HIBADH: variants seen among roughly 807,000 people sequenced by gnomAD.
HIBADH encodes the protein 3-hydroxyisobutyrate dehydrogenase, also known as 3-hydroxyisobutyrate dehydrogenase, mitochondrial.
In HIBADH, 25 loss-of-function variants were observed where a neutral mutation model predicts 36.1. The observed-to-expected ratio is 0.69, with a 90% CI of 0.50 to 0.97. The LOEUF is 0.97. Ranked by LOEUF, HIBADH falls within the 50% of genes least tolerant of loss-of-function variation. The pLI, the probability that HIBADH is intolerant of heterozygous loss-of-function variation, is 0.00. For synonymous variants in HIBADH, 160 were observed against 149.5 expected (o/e 1.07, Z -0.51); for missense variants, 421 against 418.0 (o/e 1.01, Z -0.06).
chr7:27,588,966 A>T (rs980464467), intron 4 of HIBADH, among the ~76,000 whole-genome samples: 2 of 152,128 alleles, frequency 1.3e-5, no homozygotes, highest in Non-Finnish European at 2.9e-5. Flanking sequence ...CAGTTTTTTT[A>T]AATTATACTA....
At chr7:27,661,284 G>A (rs1786412085) in intron 1 of HIBADH, among the ~76,000 whole-genome samples, 1 of 152,106 alleles carries the variant, frequency 6.6e-6, no homozygotes, top group Non-Finnish European at 1.5e-5. Context: ...ATGGGAAGCT[G>A]TTAAGAATTG....
At chr7:27,641,452 A>T (rs984348646) in intron 2 of HIBADH, among the ~76,000 whole-genome samples, 3 of 152,206 alleles carry the variant, frequency 2.0e-5, no homozygotes, top group African/African-American at 7.2e-5. Flanking sequence ...ATATACGCTG[A>T]ATTTTTTAAC....
At chr7:27,575,156 T>C (rs1316532827) in intron 4 of HIBADH, among the ~76,000 whole-genome samples, 1 of 152,190 alleles carries the variant, frequency 6.6e-6, no homozygotes, top group African/African-American at 2.4e-5. Context: ...GGTTTTTTAA[T>C]TGGAAATTTT....
intron 4 of HIBADH, among the ~76,000 whole-genome samples, chr7:27,575,884 A>ACAG (rs369656862): frequency 1.3e-5 from 2 of 152,220 alleles, no homozygotes; most frequent in Admixed American, 1.3e-4. Flanking sequence ...GCTCGCAGCA[A>ACAG]CAGCAGCAGC....
intron 4 of HIBADH, among the ~76,000 whole-genome samples, chr7:27,603,562 A>G (rs1785169158): frequency 6.6e-6 from 1 of 152,132 alleles, no homozygotes; most frequent in Non-Finnish European, 1.5e-5. Context: ...CTAGTATTAA[A>G]AATACTATAA....
At chr7:27,564,225 AATT>A (rs1784507694) in intron 4 of HIBADH, among the ~76,000 whole-genome samples, 1 of 152,142 alleles carries the variant, frequency 6.6e-6, no homozygotes, top group Non-Finnish European at 1.5e-5. Flanking sequence ...ACAATTTATC[AATT>A]ATTTTTTATG....
intron 4 of HIBADH, among the ~76,000 whole-genome samples, chr7:27,547,710 G>A (rs954291803): frequency 3.9e-5 from 6 of 152,098 alleles, no homozygotes; most frequent in African/African-American, 1.4e-4. Flanking sequence ...GAAGTGGTTA[G>A]AGAAAATCAT....
Position 27,526,377 on chromosome 7 carries a change from A to G in HIBADH, c.853-5T>C. ...GTCTTGTGCCAATCCCAGATCCTAA[A>G]TCAAACAGGAGGAGAGAACACGCTG... On this transcript the variant is annotated splice_polypyrimidine_tract_variant and splice_region_variant and intron_variant, in intron 7 of 7. Transcript: ENST00000265395. 1 of 1,607,992 alleles carries G rather than the reference A, an allele frequency of 6.2e-7. No individual in the cohort carries two copies. Among genetic ancestry groups the G allele is most frequent in the Non-Finnish European group, 8.5e-7 (1 of 1,177,166 alleles).
At chr7:27,626,867 G>A (rs1785658548) in intron 4 of HIBADH, among the ~76,000 whole-genome samples, 1 of 152,100 alleles carries the variant, frequency 6.6e-6, no homozygotes, top group Non-Finnish European at 1.5e-5. Context: ...AAAGGGATGG[G>A]GAGAAATTCT....
chr7:27,598,718 G>C (rs879723263), intron 4 of HIBADH, among the ~76,000 whole-genome samples: 3 of 151,870 alleles, frequency 2.0e-5, no homozygotes, highest in Non-Finnish European at 2.9e-5. Context: ...TCCCAAAAAA[G>C]GGCCATATAC....
chr7:27,526,047 A>G lies in HIBADH; in HGVS notation c.*167T>C. 1 of 505,582 alleles carries G rather than the reference A, an allele frequency of 2.0e-6. No individual in the cohort carries two copies. Among genetic ancestry groups the G allele is most frequent in the Non-Finnish European group, 3.1e-6 (1 of 320,020 alleles). 31.3% of individuals were successfully genotyped at this position (505,582 alleles called of 1,614,324 possible). A position where few individuals can be genotyped will look rare whatever the true frequency, so the allele number is the denominator to read the frequency against. On this transcript the variant is annotated 3_prime_UTR_variant, in exon 8 of 8. Transcript: ENST00000265395. ...AAAATTCGGATAATATGTTTGTTAA[A>G]AAGACAAAAAGAATAAGCGGTGAAA...
At chr7:27,638,725 T>C (rs6950698) in intron 2 of HIBADH, among the ~76,000 whole-genome samples, 31,364 of 151,956 alleles carry the variant, frequency 0.21, 4,084 homozygotes, top group East Asian at 0.44. Flanking sequence ...TCAGAATCTA[T>C]AGGGAACTTA....
chr7:27,613,900 T>G (rs1387896223), intron 4 of HIBADH, among the ~76,000 whole-genome samples: 2 of 152,150 alleles, frequency 1.3e-5, no homozygotes, highest in Non-Finnish European at 2.9e-5. Flanking sequence ...GCCCCAGTGA[T>G]TTGCCCACCT....
intron 1 of HIBADH, among the ~76,000 whole-genome samples, chr7:27,660,639 T>C (rs1413313393): frequency 6.6e-6 from 1 of 151,196 alleles, no homozygotes; most frequent in Non-Finnish European, 1.5e-5. Flanking sequence ...CACTCTAGCC[T>C]GGGCGACAGA....
chr7:27,546,986 T>C (rs1784243695), intron 4 of HIBADH, among the ~76,000 whole-genome samples: 1 of 152,204 alleles, frequency 6.6e-6, no homozygotes, highest in African/African-American at 2.4e-5. Flanking sequence ...TCTTAAAATA[T>C]AAATCTAGTT....
At chr7:27,608,524 A>C (rs545084589) in intron 4 of HIBADH, among the ~76,000 whole-genome samples, 7 of 152,190 alleles carry the variant, frequency 4.6e-5, no homozygotes, top group Admixed American at 2.0e-4. Context: ...GAAAACTTCA[A>C]ATAAGTCTGA....
intron 4 of HIBADH, among the ~76,000 whole-genome samples, chr7:27,579,417 T>C (rs1371056047): frequency 1.3e-5 from 2 of 152,184 alleles, no homozygotes; most frequent in Non-Finnish European, 2.9e-5. Context: ...TATACACCCA[T>C]TATTTAGAAA....
intron 4 of HIBADH, among the ~76,000 whole-genome samples, chr7:27,556,853 T>G (rs1009024285): frequency 3.3e-5 from 5 of 152,196 alleles, no homozygotes; most frequent in East Asian, 1.9e-4. Context: ...AAAATTTTTT[T>G]GGGCAGGTGC....
intron 1 of HIBADH, 58 bp downstream of exon 1, chr7:27,662,640 G>C: frequency 9.1e-7 from 1 of 1,103,732 alleles, no homozygotes; most frequent in Non-Finnish European, 1.2e-6. Flanking sequence ...CGGCCGTCTG[G>C]ACAGAAGAAG....
Sources: gnomAD v4.1 joint callset for allele counts (sites outside exome capture counted in the v4.1 genomes callset) on GRCh38, gnomAD v4.1.1 for gene constraint, MANE v1.5 for transcripts, NCBI Gene and HGNC (gene_info 2026-07-23, HGNC 2026-07-21) for gene names.